The following GTF2B variants were observed in gnomAD, a reference collection of about 807,000 sequenced individuals.
GTF2B encodes transcription initiation factor IIB.
In GTF2B, 20 loss-of-function variants were observed where a neutral mutation model predicts 34.6. That is an observed-to-expected ratio of 0.58 (90% confidence interval 0.41 to 0.84). GTF2B has a LOEUF of 0.84. GTF2B is among the 40% of genes least tolerant of loss of function. GTF2B has a pLI of 0.00. For synonymous variants in GTF2B, 142 were observed against 132.4 expected (o/e 1.07, Z -0.50); for missense variants, 237 against 393.3 (o/e 0.60, Z 3.36).
intron 1 of GTF2B, among the ~76,000 whole-genome samples, chr1:88,889,114 T>C (rs1674138713): frequency 6.6e-6 from 1 of 152,206 alleles, no homozygotes; most frequent in Admixed American, 6.5e-5. Flanking sequence ...CCTATACATT[T>C]GTTAAAGCAT....
chr1:88,891,281 CG>C (rs1429797850), intron 1 of GTF2B, among the ~76,000 whole-genome samples: 3 of 152,170 alleles, frequency 2.0e-5, no homozygotes, highest in African/African-American at 7.2e-5. Flanking sequence ...AGGGCAATAA[CG>C]TCAACAGCTC....
At chr1:88,884,620 A>G (rs1434790461) in intron 2 of GTF2B, among the ~76,000 whole-genome samples, 1 of 152,230 alleles carries the variant, frequency 6.6e-6, no homozygotes, top group East Asian at 1.9e-4. Context: ...TAGAAACTTT[A>G]GTTGCAGCCT....
chr1:88,884,589 T>C (rs1045879741), intron 2 of GTF2B, among the ~76,000 whole-genome samples: 3 of 152,264 alleles, frequency 2.0e-5, no homozygotes, highest in African/African-American at 7.2e-5. Context: ...CTTTCCTTGC[T>C]TGGCCAAGAA....
chr1:88,853,046 T>G lies in GTF2B; in HGVS notation c.*167A>C. On this transcript the variant is annotated 3_prime_UTR_variant, in exon 7 of 7. Transcript: ENST00000370500. ...GATAAGAAATTTAAATCATTAAATA[T>G]GTTTCACTAGTATATACATACAGAA... The G allele has an allele frequency of 1.7e-6, 1 of 576,200 alleles. No homozygotes were observed. Among genetic ancestry groups the G allele is most frequent in the Non-Finnish European group, 3.1e-6 (1 of 323,358 alleles). The allele number at this position is 576,200 out of a possible 1,614,324, so 35.7% of individuals were successfully genotyped here. A position where few individuals can be genotyped will look rare whatever the true frequency, so the allele number is the denominator to read the frequency against.
intron 2 of GTF2B, among the ~76,000 whole-genome samples, chr1:88,876,470 G>C (rs528620285): frequency 2.0e-5 from 3 of 152,218 alleles, no homozygotes; most frequent in African/African-American, 7.2e-5. Flanking sequence ...CCAGGAGTTC[G>C]AGATCAGCCT....
intron 6 of GTF2B, among the ~76,000 whole-genome samples, chr1:88,855,178 T>C (rs1413868174): frequency 6.6e-6 from 1 of 152,188 alleles, no homozygotes; most frequent in African/African-American, 2.4e-5. Context: ...AAAATTTCCT[T>C]AAAACGTGAG....
chr1:88,862,585 T>A (rs1463305905), intron 3 of GTF2B, among the ~76,000 whole-genome samples: 1 of 152,090 alleles, frequency 6.6e-6, no homozygotes, highest in Non-Finnish European at 1.5e-5. Context: ...GGTAAACTCA[T>A]GCCTGTAATC....
intron 2 of GTF2B, among the ~76,000 whole-genome samples, chr1:88,878,767 A>G (rs957230509): frequency 6.6e-6 from 1 of 152,222 alleles, no homozygotes; most frequent in Admixed American, 6.5e-5. Flanking sequence ...CCACTTTCTC[A>G]GAACACTTGC....
intron 6 of GTF2B, among the ~76,000 whole-genome samples, chr1:88,856,944 A>G (rs1373744932): frequency 6.6e-6 from 1 of 151,862 alleles, no homozygotes; most frequent in Non-Finnish European, 1.5e-5. Flanking sequence ...TGGGATTACA[A>G]GCCCCACCAC....
intron 2 of GTF2B, among the ~76,000 whole-genome samples, chr1:88,882,102 G>A (rs72724793): frequency 0.044 from 6,764 of 152,024 alleles, 269 homozygotes; most frequent in African/African-American, 0.098. Flanking sequence ...TTGAGGCCAG[G>A]AGTTTAAAAC....
intron 6 of GTF2B, among the ~76,000 whole-genome samples, chr1:88,854,797 A>T (rs1673266155): frequency 6.6e-6 from 1 of 152,194 alleles, no homozygotes; most frequent in Non-Finnish European, 1.5e-5. Flanking sequence ...CGCCTGGCCT[A>T]AACACCTTTT....
intron 6 of GTF2B, among the ~76,000 whole-genome samples, chr1:88,854,718 A>T (rs1232189878): frequency 6.6e-6 from 1 of 151,904 alleles, no homozygotes. Flanking sequence ...CTGGTCTCAA[A>T]CTCCTCACCT....
At chr1:88,881,647 T>C (rs1673943574) in intron 2 of GTF2B, among the ~76,000 whole-genome samples, 1 of 152,202 alleles carries the variant, frequency 6.6e-6, no homozygotes, top group African/African-American at 2.4e-5. Context: ...CACAAATATC[T>C]ATGAATGAGC....
chr1:88,863,349 T>C (rs1354349626), intron 3 of GTF2B, among the ~76,000 whole-genome samples: 1 of 142,042 alleles, frequency 7.0e-6, no homozygotes, highest in Non-Finnish European at 1.5e-5. Context: ...AAGACATTCT[T>C]TTCTTTTTTT....
At chr1:88,870,280 G>A (rs559612479) in intron 2 of GTF2B, among the ~76,000 whole-genome samples, 1 of 152,264 alleles carries the variant, frequency 6.6e-6, no homozygotes, top group South Asian at 2.1e-4. Flanking sequence ...ATTAAGGTGT[G>A]GGTTACACCA....
At chr1:88,868,358 T>C (rs1159264416) in intron 2 of GTF2B, among the ~76,000 whole-genome samples, 3 of 152,230 alleles carry the variant, frequency 2.0e-5, no homozygotes, top group East Asian at 1.9e-4. Flanking sequence ...CTGTAGTCTA[T>C]GTGAAGATTT....
chr1:88,856,292 A>AAAAAAAAAAAAAAAAAG (rs1673311277), intron 6 of GTF2B, among the ~76,000 whole-genome samples: 1 of 53,242 alleles, frequency 1.9e-5, no homozygotes, highest in African/African-American at 8.9e-5. Flanking sequence ...AAAAAAAAAC[A>AAAAAAAAAAAAAAAAAG]AAAAAAAAAA....
intron 2 of GTF2B, among the ~76,000 whole-genome samples, chr1:88,885,016 C>A (rs560525858): frequency 6.6e-6 from 1 of 152,316 alleles, no homozygotes; most frequent in East Asian, 1.9e-4. Flanking sequence ...GTATGCTGAG[C>A]AGCAGAAAAA....
intron 3 of GTF2B, 142 bp from the exon 4 acceptor site, chr1:88,860,428 G>C: frequency 1.7e-6 from 1 of 603,628 alleles, no homozygotes; most frequent in South Asian, 2.2e-5. Context: ...TATACTAAAT[G>C]AACATGTAAT....
Sources: allele counts gnomAD v4.1 joint callset (sites outside exome capture counted in the v4.1 genomes callset), GRCh38; gene constraint gnomAD v4.1.1; transcripts MANE v1.5; gene names NCBI Gene and HGNC (gene_info 2026-07-23, HGNC 2026-07-21).